ZBTB16: variants seen among roughly 807,000 people sequenced by gnomAD.
ZBTB16 encodes the protein zinc finger and BTB domain containing 16, also known as zinc finger and BTB domain-containing protein 16.
Under a neutral mutation model 56.8 loss-of-function variants are expected in ZBTB16, and 8 were observed. That is an observed-to-expected ratio of 0.14 (90% CI 0.08 to 0.25). The LOEUF is 0.25. Ranked by LOEUF, ZBTB16 falls within the 10% of genes least tolerant of loss-of-function variation. The pLI, the probability that ZBTB16 is intolerant of heterozygous loss-of-function variation, is 1.00. For synonymous variants in ZBTB16, 363 were observed against 368.5 expected (o/e 0.98, Z 0.17); for missense variants, 625 against 903.0 (o/e 0.69, Z 3.95).
chr11:114,223,129 C>G (rs1944265759), intron 4 of ZBTB16, among the ~76,000 whole-genome samples: 1 of 152,192 alleles, frequency 6.6e-6, no homozygotes, highest in Non-Finnish European at 1.5e-5. Context: ...AGAGTGATAG[C>G]CGTTCTGCAG....
chr11:114,148,376 CCTT>C, intron 2 of ZBTB16, among the ~76,000 whole-genome samples: 1 of 142,636 alleles, frequency 7.0e-6, no homozygotes. Flanking sequence ...TTCCTTCCTT[CCTT>C]CCTTCCTTCC....
At chr11:114,084,967 C>T (rs1371353903) in intron 2 of ZBTB16, among the ~76,000 whole-genome samples, 1 of 152,186 alleles carries the variant, frequency 6.6e-6, no homozygotes, top group African/African-American at 2.4e-5. Context: ...TGATTGAGGA[C>T]TCTTGTCCAG....
intron 2 of ZBTB16, among the ~76,000 whole-genome samples, chr11:114,156,077 G>C (rs375587944): frequency 6.6e-6 from 1 of 152,198 alleles, no homozygotes; most frequent in East Asian, 1.9e-4. Flanking sequence ...AATTGGATCT[G>C]ATTTTTTTTC....
At chr11:114,088,448 T>G (rs1434312204) in intron 2 of ZBTB16, among the ~76,000 whole-genome samples, 1 of 152,144 alleles carries the variant, frequency 6.6e-6, no homozygotes, top group Admixed American at 6.5e-5. Context: ...GGCCTGGATC[T>G]TTTATTGTTT....
At chr11:114,209,473 A>C (rs1194855592) in intron 4 of ZBTB16, 8 of 985,238 alleles carry the variant, frequency 8.1e-6, no homozygotes, top group African/African-American at 1.7e-5. Flanking sequence ...GGAGATCCCC[A>C]GAGGCCCCTC....
chr11:114,170,630 A>C lies in ZBTB16; in HGVS notation c.1366+14196A>C, dbSNP rs550953165. 5.9e-5 allele frequency among the ~76,000 whole-genome samples: 9 copies of C among 152,292 alleles called. No homozygotes were observed. In the East Asian group the frequency reaches 1.7e-3, roughly 29 times the overall value. ...TCACTTGCCTGGGACAAGGGGAAAA[A>C]AAAAAAAGCAAATTCTAAAGTTTTC... On this transcript the variant is annotated intron_variant, in intron 3 of 6. Transcript: ENST00000335953.
chr11:114,156,549 T>C, intron 3 of ZBTB16, 115 bp downstream of exon 3: 1 of 953,810 alleles, frequency 1.0e-6, no homozygotes, highest in Non-Finnish European at 1.7e-6. Flanking sequence ...GCTGGGGCCC[T>C]GGTCCATCTT....
chr11:114,072,204 G>A (rs1466873915), intron 2 of ZBTB16, among the ~76,000 whole-genome samples: 3 of 152,262 alleles, frequency 2.0e-5, no homozygotes, highest in African/African-American at 7.2e-5. Context: ...GTACAGTGCT[G>A]TAAAACTGCT....
intron 4 of ZBTB16, among the ~76,000 whole-genome samples, chr11:114,202,799 AT>A (rs1943765608): frequency 6.6e-6 from 1 of 152,130 alleles, no homozygotes; most frequent in African/African-American, 2.4e-5. Flanking sequence ...TGTGTGTGAG[AT>A]TGGAGTGTGG....
intron 4 of ZBTB16, among the ~76,000 whole-genome samples, chr11:114,221,016 C>T (rs1174139651): frequency 1.3e-5 from 2 of 152,218 alleles, no homozygotes; most frequent in Admixed American, 6.5e-5. Flanking sequence ...GTAAGCATCA[C>T]GGTGATCCGT....
chr11:114,140,932 C>G (rs2134894255), intron 2 of ZBTB16, among the ~76,000 whole-genome samples: 1 of 152,314 alleles, frequency 6.6e-6, no homozygotes, highest in Admixed American at 6.5e-5. Context: ...CCTGCCCACG[C>G]TGAGCCTCCC....
chr11:114,088,054 T>A (rs1940025572), intron 2 of ZBTB16, among the ~76,000 whole-genome samples: 2 of 152,224 alleles, frequency 1.3e-5, no homozygotes, highest in Admixed American at 6.5e-5. Context: ...CCTGGGGCAT[T>A]CTTCCTCCTT....
At chr11:114,172,665 T>C (rs1196536054) in intron 3 of ZBTB16, among the ~76,000 whole-genome samples, 2 of 152,164 alleles carry the variant, frequency 1.3e-5, no homozygotes, top group Non-Finnish European at 2.9e-5. Context: ...ACCCTGAAGC[T>C]TTGGAAGTCA....
intron 4 of ZBTB16, among the ~76,000 whole-genome samples, chr11:114,224,862 T>A (rs944671929): frequency 6.6e-6 from 1 of 152,232 alleles, no homozygotes; most frequent in Non-Finnish European, 1.5e-5. Flanking sequence ...AAAAAATGTC[T>A]GTTGCTCTTA....
intron 2 of ZBTB16, among the ~76,000 whole-genome samples, chr11:114,119,159 A>G (rs1591684586): frequency 1.4e-5 from 2 of 146,752 alleles, no homozygotes; most frequent in African/African-American, 5.0e-5. Context: ...CAGATACCTG[A>G]GAGGCTGAGG....
chr11:114,075,520 G>T (rs11824337), intron 2 of ZBTB16, among the ~76,000 whole-genome samples: 1 of 151,484 alleles, frequency 6.6e-6, no homozygotes, highest in Non-Finnish European at 1.5e-5. Context: ...GCAGTGGCGC[G>T]ATCTCAGCTC....
chr11:114,144,294 T>G (rs1942042305), intron 2 of ZBTB16, among the ~76,000 whole-genome samples: 1 of 152,058 alleles, frequency 6.6e-6, no homozygotes, highest in Admixed American at 6.6e-5. Context: ...ACCCCTGTCC[T>G]TTTCACACAA....
chr11:114,114,364 G>T (rs1015918127), intron 2 of ZBTB16, among the ~76,000 whole-genome samples: 1 of 152,194 alleles, frequency 6.6e-6, no homozygotes, highest in Non-Finnish European at 1.5e-5. Flanking sequence ...TGAGCAGTTT[G>T]CTATCATTTG....
intron 5 of ZBTB16, among the ~76,000 whole-genome samples, chr11:114,244,554 G>A (rs1944777565): frequency 6.6e-6 from 1 of 152,188 alleles, no homozygotes; most frequent in Non-Finnish European, 1.5e-5. Context: ...AGCTCTCAGG[G>A]TGAAGATTTC....
Sources: gnomAD v4.1 joint callset for allele counts (sites outside exome capture counted in the v4.1 genomes callset) on GRCh38, gnomAD v4.1.1 for gene constraint, MANE v1.5 for transcripts, NCBI Gene and HGNC (gene_info 2026-07-23, HGNC 2026-07-21) for gene names.